The following DPP6 variants were observed in gnomAD, a reference collection of about 807,000 sequenced individuals.
DPP6 encodes A-type potassium channel modulatory protein DPP6.
In DPP6, 69 loss-of-function variants were observed where a neutral mutation model predicts 122.6. The ratio of observed to expected loss-of-function variants is 0.56; its 90% CI spans 0.46 to 0.69. DPP6 has a LOEUF of 0.69. DPP6 is among the 30% of genes least tolerant of loss of function. DPP6 has a pLI of 0.00. For missense variants in DPP6, 928 were observed against 1,116.9 expected (o/e 0.83, Z 2.41); for synonymous variants, 418 against 433.1 (o/e 0.97, Z 0.43).
At chr7:154,186,195 G>A (rs1388729755) in intron 1 of DPP6, among the ~76,000 whole-genome samples, 1 of 152,130 alleles carries the variant, frequency 6.6e-6, no homozygotes, top group African/African-American at 2.4e-5. Context: ...GATAGGACTG[G>A]GAACATCTGA....
At chr7:154,868,986 A>C (rs967867183) in intron 18 of DPP6, among the ~76,000 whole-genome samples, 4 of 152,032 alleles carry the variant, frequency 2.6e-5, no homozygotes, top group African/African-American at 9.7e-5. Flanking sequence ...CTTACCCATC[A>C]CCTCTGAGGC....
At chr7:154,226,373 G>T (rs1800604393) in intron 1 of DPP6, among the ~76,000 whole-genome samples, 1 of 152,190 alleles carries the variant, frequency 6.6e-6, no homozygotes, top group Non-Finnish European at 1.5e-5. Flanking sequence ...AAACAGCAGG[G>T]TTCCTGACCA....
chr7:154,712,076 G>C (rs1322775103), intron 7 of DPP6, among the ~76,000 whole-genome samples: 1 of 151,786 alleles, frequency 6.6e-6, no homozygotes, highest in Non-Finnish European at 1.5e-5. Context: ...TTGACTTTTG[G>C]AAAAGTCAAA....
At chr7:153,893,682 C>T (rs1417057355) in intron 1 of DPP6, among the ~76,000 whole-genome samples, 8 of 152,046 alleles carry the variant, frequency 5.3e-5, no homozygotes, top group Admixed American at 4.6e-4. Flanking sequence ...TTTGAGGAGG[C>T]GTAGAAGTCA....
the DPP6 span, among the ~76,000 whole-genome samples, chr7:153,764,162 T>C: frequency 7.0e-4 from 106 of 152,338 alleles, 1 homozygote; most frequent in East Asian, 0.019. Flanking sequence ...CCTAGTCTAA[T>C]ATAACATTAT....
At chr7:154,610,226 C>A (rs7777629) in intron 5 of DPP6, among the ~76,000 whole-genome samples, 1 of 151,988 alleles carries the variant, frequency 6.6e-6, no homozygotes, top group Non-Finnish European at 1.5e-5. Flanking sequence ...ATTCTGAGTA[C>A]CAAATGAGTG....
At chr7:154,552,513 C>T in intron 4 of DPP6, among the ~76,000 whole-genome samples, 1 of 152,226 alleles carries the variant, frequency 6.6e-6, no homozygotes, top group Non-Finnish European at 1.5e-5. Context: ...GGCGTCCAAG[C>T]TCACAATGGG....
Position 154,475,048 on chromosome 7 carries a change from G to T in DPP6, c.457+11G>T, listed in dbSNP as rs1362626817. On this transcript the variant is annotated intron_variant, in intron 3 of 25. Coordinates refer to ENST00000377770, the MANE Select transcript of DPP6 (RefSeq NM_130797.4). Reference sequence around the variant, plus strand: ...CTAAGTGGATAAGTGGTGAGTCCAGGTCCTTCGTGCACAAGACATCGCTTC... The same window carrying T: ...CTAAGTGGATAAGTGGTGAGTCCAGTTCCTTCGTGCACAAGACATCGCTTC... The T allele has an allele frequency of 4.4e-6, 7 of 1,603,620 alleles. No individual in the cohort carries two copies. In the Admixed American group the frequency reaches 5.0e-5, roughly 11 times the overall value.
intron 1 of DPP6, among the ~76,000 whole-genome samples, chr7:154,370,004 A>T (rs891879722): frequency 2.7e-5 from 2 of 75,296 alleles, no homozygotes; most frequent in Non-Finnish European, 3.3e-5. Context: ...ATTTATTTAG[A>T]TAGAGTCTCA....
In DPP6 at chr7:154,068,958, CACACAG is replaced by C. The variant is rs1305901648; in HGVS notation, c.243+15914_243+15919del. Among the ~76,000 whole-genome samples, 205 of 57,126 alleles carry C rather than the reference CACACAG, an allele frequency of 3.6e-3. 34 individuals are homozygous for C. Among genetic ancestry groups the C allele is most frequent in the East Asian group, 0.013 (29 of 2,192 alleles). The allele number at this position is 57,126 out of a possible 152,430, so 37.5% of individuals were successfully genotyped here. On this transcript the variant is annotated intron_variant, in intron 1 of 25. Transcript: ENST00000377770. ...GATCTCCCGTGCACTTACACAAATG[CACACAG>C]ACACAGACACAGACACAGGCATGCA...
intron 1 of DPP6, among the ~76,000 whole-genome samples, chr7:153,903,759 A>G (rs1179217633): frequency 2.6e-5 from 4 of 151,852 alleles, no homozygotes; most frequent in Non-Finnish European, 5.9e-5. Context: ...GCTGGAAAGC[A>G]CCTCATCTTT....
intron 1 of DPP6, among the ~76,000 whole-genome samples, chr7:154,327,259 G>A (rs112652929): frequency 5.9e-5 from 9 of 152,302 alleles, no homozygotes; most frequent in South Asian, 2.1e-4. Context: ...GTAAAAAGCC[G>A]TGTTAAGTGC....
chr7:154,720,895 C>T (rs1461026176), intron 7 of DPP6, among the ~76,000 whole-genome samples: 2 of 152,232 alleles, frequency 1.3e-5, no homozygotes, highest in Non-Finnish European at 2.9e-5. Context: ...GACGACAAAA[C>T]TCCCAGCAAG....
intron 1 of DPP6, among the ~76,000 whole-genome samples, chr7:154,136,116 G>A (rs1385728558): frequency 6.6e-6 from 1 of 152,074 alleles, no homozygotes; most frequent in African/African-American, 2.4e-5. Context: ...TTTCTCCAAT[G>A]CCAGTTCATC....
intron 10 of DPP6, among the ~76,000 whole-genome samples, chr7:154,784,350 C>G (rs957130403): frequency 2.0e-5 from 3 of 152,158 alleles, no homozygotes; most frequent in African/African-American, 7.2e-5. Flanking sequence ...CAAGCCCCCA[C>G]CCTTCTGTAA....
intron 8 of DPP6, among the ~76,000 whole-genome samples, chr7:154,768,411 G>T (rs1164016721): frequency 6.6e-6 from 1 of 152,210 alleles, no homozygotes; most frequent in Non-Finnish European, 1.5e-5. Flanking sequence ...GGTACATAGA[G>T]CAGATTTATG....
At chr7:154,503,674 G>T (rs1247178652) in intron 3 of DPP6, among the ~76,000 whole-genome samples, 1 of 139,264 alleles carries the variant, frequency 7.2e-6, no homozygotes, top group Non-Finnish European at 1.6e-5. Context: ...CAACATTTAA[G>T]ATCAGCATCA....
chr7:154,624,032 A>G lies in DPP6; in HGVS notation c.628-13789A>G, dbSNP rs1834906657. Among the ~76,000 whole-genome samples the G allele has an allele frequency of 2.0e-5, 3 of 152,184 alleles. No homozygotes were observed. Among genetic ancestry groups the G allele is most frequent in the Admixed American group, 2.0e-4 (3 of 15,282 alleles). ...GACATGGTGAAACCCCATCTCTACT[A>G]AAAATACAAAAATTAGGCCGGGTGT... On this transcript the variant is annotated intron_variant, in intron 5 of 25. Transcript: ENST00000377770. This position sits in a 1 kb window ranked among gnomAD's most constrained non-coding sequence, Gnocchi z 4.7.
chr7:154,455,324 C>T (rs10952482), intron 2 of DPP6, among the ~76,000 whole-genome samples: 51,148 of 151,960 alleles, frequency 0.34, 10,306 homozygotes, highest in African/African-American at 0.56. Context: ...AGGAGTCAGG[C>T]TCTGCTGAGT....
Sources: allele counts gnomAD v4.1 joint callset (sites outside exome capture counted in the v4.1 genomes callset), GRCh38; gene constraint gnomAD v4.1.1; non-coding constraint Gnocchi (gnomAD v3.1); transcripts MANE v1.5; gene names NCBI Gene and HGNC (gene_info 2026-07-23, HGNC 2026-07-21).